PTPN4: variants seen among roughly 807,000 people sequenced by gnomAD.
PTPN4 encodes the protein protein tyrosine phosphatase non-receptor type 4.
In PTPN4, 49 loss-of-function variants were observed where a neutral mutation model predicts 135.5. The observed-to-expected ratio is 0.36, with a 90% confidence interval of 0.29 to 0.46. The LOEUF (loss-of-function observed/expected upper bound fraction) is 0.46. Among genes scored for constraint, PTPN4 ranks in the 20% least tolerant of loss-of-function variants. The pLI, the probability that PTPN4 is intolerant of heterozygous loss-of-function variation, is 1.00. For synonymous variants in PTPN4, 333 were observed against 369.9 expected (o/e 0.90, Z 1.14); for missense variants, 860 against 1,101.0 (o/e 0.78, Z 3.10).
At chr2:119,822,102 T>A (rs1171513906) in intron 2 of PTPN4, among the ~76,000 whole-genome samples, 1 of 152,182 alleles carries the variant, frequency 6.6e-6, no homozygotes, top group Non-Finnish European at 1.5e-5. Flanking sequence ...CAGTTTATCT[T>A]AGAATAATTC....
chr2:119,863,054 A>G (rs974518126), intron 3 of PTPN4, among the ~76,000 whole-genome samples: 2 of 152,106 alleles, frequency 1.3e-5, no homozygotes, highest in Admixed American at 1.3e-4. Flanking sequence ...AATTTATTCA[A>G]TGTCAAATTT....
chr2:119,808,434 CAGACAG>C (rs1225576731), intron 1 of PTPN4, among the ~76,000 whole-genome samples: 1 of 152,094 alleles, frequency 6.6e-6, no homozygotes, highest in Non-Finnish European at 1.5e-5. Context: ...ACACCAATAA[CAGACAG>C]AGAGCCAAAT....
At chr2:119,943,185 C>A (rs1679084293) in intron 15 of PTPN4, among the ~76,000 whole-genome samples, 1 of 152,192 alleles carries the variant, frequency 6.6e-6, no homozygotes, top group Non-Finnish European at 1.5e-5. Context: ...ACAATCACAT[C>A]ATTCATTATT....
At chr2:119,830,572 A>C (rs916099600) in intron 2 of PTPN4, among the ~76,000 whole-genome samples, 1 of 152,048 alleles carries the variant, frequency 6.6e-6, no homozygotes, top group East Asian at 1.9e-4. Context: ...AGGTTCAAGC[A>C]GTTCTCCTGC....
chr2:119,846,603 A>T (rs1271358584), intron 2 of PTPN4, among the ~76,000 whole-genome samples: 4 of 149,090 alleles, frequency 2.7e-5, no homozygotes, highest in Non-Finnish European at 6.0e-5. Flanking sequence ...GATTTTTGTT[A>T]TGTCAGTTAA....
At chr2:119,813,663 G>C (rs1676936992) in intron 2 of PTPN4, among the ~76,000 whole-genome samples, 1 of 152,116 alleles carries the variant, frequency 6.6e-6, no homozygotes, top group Non-Finnish European at 1.5e-5. Flanking sequence ...TGTTCTATTT[G>C]TCAAGGTTGT....
Position 119,909,173 on chromosome 2 carries a change from A to G in PTPN4, c.765-6006A>G, listed in dbSNP as rs1362652724. On this transcript the variant is annotated intron_variant, in intron 10 of 26. Coordinates refer to ENST00000263708, the MANE Select transcript of PTPN4 (RefSeq NM_002830.4). ...GGCTACACTAAACAACAGGTTTTCA[A>G]TGTAGATGAAACAGCCTTCTATTGG... 3.3e-5 allele frequency among the ~76,000 whole-genome samples: 5 copies of G among 152,198 alleles called. 1 individual carries two copies. Among genetic ancestry groups the G allele is most frequent in the Non-Finnish European group, 5.9e-5 (4 of 68,024 alleles).
chr2:119,769,702 T>C (rs540446814), intron 1 of PTPN4, among the ~76,000 whole-genome samples: 3 of 152,230 alleles, frequency 2.0e-5, no homozygotes, highest in Non-Finnish European at 1.5e-5. Context: ...AAGGGTTACA[T>C]ACACCTTAAC....
intron 2 of PTPN4, among the ~76,000 whole-genome samples, chr2:119,831,426 C>CT (rs1677218409): frequency 6.6e-6 from 1 of 152,160 alleles, no homozygotes; most frequent in Non-Finnish European, 1.5e-5. Flanking sequence ...TTTGGACTCT[C>CT]TATTATTTTT....
In PTPN4 at chr2:119,916,194, T is replaced by C. The variant is rs1418643729; in HGVS notation, c.828+952T>C. 17 of 143,248 alleles carry C rather than the reference T, an allele frequency of 1.2e-4. No individual in the cohort carries two copies. In the Admixed American group the frequency reaches 1.2e-3, roughly 10 times the overall value. The allele number at this position is 143,248 out of a possible 1,614,324, so 8.9% of individuals were successfully genotyped here. A position where few individuals can be genotyped will look rare whatever the true frequency, so the allele number is the denominator to read the frequency against. On this transcript the variant is annotated intron_variant, in intron 11 of 26. Coordinates refer to ENST00000263708, the MANE Select transcript of PTPN4 (RefSeq NM_002830.4). ...CAGCCTGGATGACATAGGGAGGCCC[T>C]GTCTCAAAAAAAAAAAAAAAAAAAG...
chr2:119,964,943 A>G (rs1414670357), intron 24 of PTPN4, among the ~76,000 whole-genome samples: 1 of 152,170 alleles, frequency 6.6e-6, no homozygotes, highest in East Asian at 1.9e-4. Context: ...TGCAGCAGAT[A>G]AAGAGTTTAA....
At chr2:119,826,462 A>C (rs534536158) in intron 2 of PTPN4, among the ~76,000 whole-genome samples, 1 of 152,344 alleles carries the variant, frequency 6.6e-6, no homozygotes, top group South Asian at 2.1e-4. Flanking sequence ...TAAATGGGGC[A>C]GACTTTGCAT....
intron 1 of PTPN4, among the ~76,000 whole-genome samples, chr2:119,784,419 C>T (rs1286017770): frequency 7.4e-6 from 1 of 134,822 alleles, no homozygotes; most frequent in Non-Finnish European, 1.5e-5. Context: ...CAGAGTCTTG[C>T]TCTGTCGCCC....
intron 9 of PTPN4, among the ~76,000 whole-genome samples, chr2:119,890,998 C>T (rs1678231915): frequency 6.6e-6 from 1 of 152,112 alleles, no homozygotes; most frequent in African/African-American, 2.4e-5. Context: ...TGAGACACTT[C>T]TGCTATTTTT....
intron 1 of PTPN4, among the ~76,000 whole-genome samples, chr2:119,783,690 C>T (rs937784953): frequency 6.6e-6 from 1 of 152,168 alleles, no homozygotes; most frequent in African/African-American, 2.4e-5. Context: ...CGTAGGCAAG[C>T]CACTTAATCC....
intron 18 of PTPN4, among the ~76,000 whole-genome samples, chr2:119,949,488 G>T (rs1394423598): frequency 6.6e-6 from 1 of 152,022 alleles, no homozygotes; most frequent in African/African-American, 2.4e-5. Context: ...TTAAAGTTAT[G>T]ATTCTCTTTC....
At chr2:119,880,483 G>T (rs1678054643) in intron 5 of PTPN4, among the ~76,000 whole-genome samples, 1 of 151,292 alleles carries the variant, frequency 6.6e-6, no homozygotes, top group South Asian at 2.1e-4. Context: ...AGGCTGGAGT[G>T]CAGTGGCGCG....
At chr2:119,868,817 ACGTGGGTAAATCTCTGTT>A (rs1485727430) in intron 3 of PTPN4, among the ~76,000 whole-genome samples, 14 of 152,220 alleles carry the variant, frequency 9.2e-5, no homozygotes, top group African/African-American at 3.1e-4. Context: ...GTTAATAAAT[ACGTGGGTAAATCTCTGTT>A]CGAGGCTCTC....
chr2:119,971,226 G>A (rs998276569), intron 26 of PTPN4, among the ~76,000 whole-genome samples: 2 of 152,206 alleles, frequency 1.3e-5, no homozygotes, highest in African/African-American at 4.8e-5. Context: ...CATGGCCGGC[G>A]GGAGAGAGAC....
Sources: gnomAD v4.1 joint callset for allele counts (sites outside exome capture counted in the v4.1 genomes callset) on GRCh38, gnomAD v4.1.1 for gene constraint, MANE v1.5 for transcripts, NCBI Gene and HGNC (gene_info 2026-07-23, HGNC 2026-07-21) for gene names.